CLCA4: variants seen among roughly 807,000 people sequenced by gnomAD.
CLCA4 encodes the protein calcium-activated chloride channel regulator 4.
CLCA4 carries 69 observed loss-of-function variants against 78.9 expected under a neutral mutation model. The observed-to-expected ratio is 0.87, with a 90% CI of 0.72 to 1.07. The LOEUF is 1.07. Among genes scored for constraint, CLCA4 ranks in the 50% least tolerant of loss-of-function variants. The probability of loss-of-function intolerance (pLI) is 0.00; values close to 1 mark genes in which losing one functional copy is unlikely to be tolerated. For synonymous variants in CLCA4, 362 were observed against 375.8 expected, an observed-to-expected ratio of 0.96 and a Z score of 0.42; for missense variants, 1,133 against 1,095.8, an observed-to-expected ratio of 1.03 and a Z score of -0.48.
At chr1:86,557,632 A>C (rs1324875238) in intron 1 of CLCA4, among the ~76,000 whole-genome samples, 1 of 152,108 alleles carries the variant, frequency 6.6e-6, no homozygotes, top group Non-Finnish European at 1.5e-5. Flanking sequence ...TTTATGTCCA[A>C]TTATGTGGTT....
intron 3 of CLCA4, among the ~76,000 whole-genome samples, chr1:86,563,138 A>C (rs1427943878): frequency 6.6e-6 from 1 of 151,914 alleles, no homozygotes; most frequent in Non-Finnish European, 1.5e-5. Context: ...CTTATTAAAA[A>C]AATTTTTTAT....
At chr1:86,562,455 T>G (rs530862940) in intron 3 of CLCA4, among the ~76,000 whole-genome samples, 2 of 152,296 alleles carry the variant, frequency 1.3e-5, no homozygotes, top group South Asian at 4.1e-4. Flanking sequence ...CAGCTTCTGA[T>G]TCTGTAAGCA....
At chr1:86,548,517 C>T (rs1410991654) in intron 1 of CLCA4, among the ~76,000 whole-genome samples, 1 of 151,618 alleles carries the variant, frequency 6.6e-6, no homozygotes, top group Non-Finnish European at 1.5e-5. Context: ...TCCGCCTTCA[C>T]TAAAAATACA....
At chr1:86,552,979 C>A in intron 1 of CLCA4, 1 of 627,956 alleles carries the variant, frequency 1.6e-6, no homozygotes, top group East Asian at 2.7e-5. Context: ...AGAAACTGAG[C>A]CCTGTGCGTG....
At chr1:86,558,503 G>A (rs936561492) in intron 1 of CLCA4, among the ~76,000 whole-genome samples, 1 of 152,132 alleles carries the variant, frequency 6.6e-6, no homozygotes, top group Non-Finnish European at 1.5e-5. Flanking sequence ...CCCAGTATTA[G>A]TCCACTCTTA....
At chr1:86,548,830 G>A (rs1378312248) in intron 1 of CLCA4, among the ~76,000 whole-genome samples, 1 of 152,062 alleles carries the variant, frequency 6.6e-6, no homozygotes, top group Non-Finnish European at 1.5e-5. Context: ...GGACAATATG[G>A]TAATGGGCAG....
chr1:86,559,865 A>C (rs1649960300), intron 1 of CLCA4, 67 bp from the exon 2 acceptor site: 6 of 1,309,898 alleles, frequency 4.6e-6, no homozygotes, highest in African/African-American at 1.5e-5. Flanking sequence ...AATGCCTGTC[A>C]CAAAACCCTG....
intron 1 of CLCA4, among the ~76,000 whole-genome samples, chr1:86,554,694 T>C (rs1649780593): frequency 6.6e-6 from 1 of 152,202 alleles, no homozygotes; most frequent in Admixed American, 6.5e-5. Flanking sequence ...ATGATTTATA[T>C]TCCTCTGAGT....
intron 5 of CLCA4, 129 bp downstream of exon 5, chr1:86,565,580 C>A (rs1172785288): frequency 6.6e-6 from 5 of 752,752 alleles, no homozygotes; most frequent in African/African-American, 3.5e-5. Context: ...CTGGCTAACA[C>A]ATAGTATTTG....
At chr1:86,579,613 T>G (rs1468846294) in intron 13 of CLCA4, 26 bp downstream of exon 13, 2 of 1,590,552 alleles carry the variant, frequency 1.3e-6, no homozygotes, top group African/African-American at 2.7e-5. Context: ...CATGTGATTT[T>G]GACTTAAGTA....
intron 12 of CLCA4, 97 bp from the exon 13 acceptor site, chr1:86,579,257 T>G: frequency 1.1e-6 from 1 of 920,006 alleles, no homozygotes; most frequent in Non-Finnish European, 1.7e-6. Flanking sequence ...TGTATATATT[T>G]TTTTAGAAGG....
Position 86,572,842 on chromosome 1 carries a change from T to C in CLCA4, c.1467+122T>C, listed in dbSNP as rs2231598. The C allele has an allele frequency of 5.4e-3, 3,734 of 697,440 alleles. 82 individuals are homozygous for C. Among genetic ancestry groups the C allele is most frequent in the African/African-American group, 0.042 (2,354 of 56,426 alleles). The allele number at this position is 697,440 out of a possible 1,614,324, so 43.2% of individuals were successfully genotyped here. The stretch of plus-strand genomic sequence containing the variant: ...GTAAATTTTTAATTAAAATCTAAAC[T>C]TTAATCTTAAATAGAAATTACCCTT... On this transcript the variant is annotated intron_variant, in intron 9 of 13. Transcript: ENST00000370563.
intron 10 of CLCA4, 47 bp from the exon 11 acceptor site, chr1:86,575,285 A>G (rs1253794017): frequency 6.9e-7 from 1 of 1,458,052 alleles, no homozygotes; most frequent in Admixed American, 1.9e-5. Context: ...AAATATAGAA[A>G]GTAGCTTGAC....
In CLCA4 at chr1:86,565,436, G is replaced by A. The variant is rs1039479646; in HGVS notation, c.720G>A (p.Met240Ile). 28 of 1,591,164 alleles carry A rather than the reference G, an allele frequency of 1.8e-5. No individual in the cohort carries two copies. The highest frequency in any genetic ancestry group is 2.1e-5 in the Non-Finnish European group (25 of 1,167,772). The change falls in exon 5 of 14, where the codon ATG becomes ATA. Residue 240 changes from methionine to isoleucine, a missense_variant. Coordinates refer to ENST00000370563, the MANE Select transcript of CLCA4 (RefSeq NM_012128.4). ...VQTEKASIMFMQSIDSVVEFC... is the reference protein window; with the variant it reads ...VQTEKASIMFIQSIDSVVEFC... Reference sequence around the variant, plus strand: ...CAGAAAAAGCATCCATAATGTTTATGCAAAGTATTGATTCTGTAAGTATGC... The same window carrying A: ...CAGAAAAAGCATCCATAATGTTTATACAAAGTATTGATTCTGTAAGTATGC...
intron 9 of CLCA4, among the ~76,000 whole-genome samples, chr1:86,573,317 C>T (rs191464643): frequency 1.3e-5 from 2 of 151,926 alleles, no homozygotes; most frequent in African/African-American, 4.8e-5. Flanking sequence ...ATAGCACCAC[C>T]ATTTTCTGTT....
intron 6 of CLCA4, among the ~76,000 whole-genome samples, chr1:86,566,511 CAGA>C (rs1226186502): frequency 7.2e-5 from 11 of 151,728 alleles, no homozygotes; most frequent in Non-Finnish European, 1.6e-4. Context: ...GATAAGAAAC[CAGA>C]AGGATGGCAC....
intron 3 of CLCA4, 99 bp downstream of exon 3, chr1:86,560,457 C>T (rs1309590451): frequency 8.5e-7 from 1 of 1,182,678 alleles, no homozygotes. Flanking sequence ...TCCCTAGAAT[C>T]AAATCCTGGC....
intron 11 of CLCA4, among the ~76,000 whole-genome samples, chr1:86,575,853 G>A (rs1377159479): frequency 6.6e-6 from 1 of 152,050 alleles, no homozygotes; most frequent in African/African-American, 2.4e-5. Flanking sequence ...CACTTCGGGA[G>A]GCCAAGGTGG....
chr1:86,551,343 A>G (rs912288795), intron 1 of CLCA4, among the ~76,000 whole-genome samples: 4 of 152,210 alleles, frequency 2.6e-5, no homozygotes, highest in Non-Finnish European at 5.9e-5. Context: ...ATTTTTTAAT[A>G]AAGTGAGGTT....
Sources: gnomAD v4.1 joint callset for allele counts (sites outside exome capture counted in the v4.1 genomes callset) on GRCh38, gnomAD v4.1.1 for gene constraint, MANE v1.5 for transcripts, NCBI Gene and HGNC (gene_info 2026-07-23, HGNC 2026-07-21) for gene names.